DNAJC5B: variants seen among roughly 807,000 people sequenced by gnomAD.
DNAJC5B encodes the protein DnaJ heat shock protein family (Hsp40) member C5 beta.
In DNAJC5B, 23 loss-of-function variants were observed where a neutral mutation model predicts 24.7. The ratio of observed to expected loss-of-function variants is 0.93; its 90% CI spans 0.67 to 1.32. The LOEUF is 1.32. Ranked by LOEUF, DNAJC5B falls within the 40% of genes most tolerant of loss-of-function variation. The pLI is 0.00. For missense variants in DNAJC5B, 238 were observed against 240.8 expected, an observed-to-expected ratio of 0.99 and a Z score of 0.08; for synonymous variants, 101 against 90.1, an observed-to-expected ratio of 1.12 and a Z score of -0.68.
At chr8:66,084,573 GC>G (rs1449523597) in intron 5 of DNAJC5B, among the ~76,000 whole-genome samples, 1 of 152,142 alleles carries the variant, frequency 6.6e-6, no homozygotes, top group African/African-American at 2.4e-5. Context: ...TCAGTTGAAA[GC>G]CGCCTGTGGT....
chr8:66,081,156 T>C (rs1807588405), intron 5 of DNAJC5B, among the ~76,000 whole-genome samples: 1 of 152,152 alleles, frequency 6.6e-6, no homozygotes, highest in African/African-American at 2.4e-5. Context: ...ATGACTGTGA[T>C]GTAGTACTTG....
At chr8:66,036,159 G>A (rs1245419374) in intron 1 of DNAJC5B, among the ~76,000 whole-genome samples, 1 of 152,226 alleles carries the variant, frequency 6.6e-6, no homozygotes, top group Non-Finnish European at 1.5e-5. Flanking sequence ...TCTTTGACGT[G>A]CTCTGAGAGG....
chr8:66,048,336 T>C (rs1346561462), intron 2 of DNAJC5B, among the ~76,000 whole-genome samples: 1 of 152,200 alleles, frequency 6.6e-6, no homozygotes, highest in Non-Finnish European at 1.5e-5. Context: ...CAGGCAGCAG[T>C]GTCAGCTTTC....
chr8:66,071,483 A>T (rs1428790162), intron 3 of DNAJC5B, among the ~76,000 whole-genome samples: 1 of 152,252 alleles, frequency 6.6e-6, no homozygotes, highest in Non-Finnish European at 1.5e-5. Context: ...GAGAAATGCA[A>T]ATCAAAACCA....
At chr8:66,083,504 AG>A (rs1418496646) in intron 5 of DNAJC5B, among the ~76,000 whole-genome samples, 1 of 152,156 alleles carries the variant, frequency 6.6e-6, no homozygotes, top group Non-Finnish European at 1.5e-5. Context: ...TTCATATAGA[AG>A]ATATAAGATT....
intron 2 of DNAJC5B, among the ~76,000 whole-genome samples, chr8:66,048,368 T>C (rs559437168): frequency 6.6e-6 from 1 of 152,368 alleles, no homozygotes; most frequent in African/African-American, 2.4e-5. Context: ...CTGTCGCTAC[T>C]TTCTTCGTAG....
upstream of DNAJC5B, among the ~76,000 whole-genome samples, chr8:66,016,905 C>T (rs1805968783): frequency 6.6e-6 from 1 of 152,084 alleles, no homozygotes; most frequent in Non-Finnish European, 1.5e-5. Context: ...CACAGTGTGT[C>T]TCATGTTTGG....
At position 66,085,370 on chromosome 8, in the gene DNAJC5B, G is replaced by A. The variant is rs201073578; in HGVS notation, c.505+4822G>A. Reference sequence around the variant, plus strand: ...CACGAGAATTGCTTGAACCCGGGAGGCAGAGGTTGCAGTGAGCAGAGGTCG... The same window carrying A: ...CACGAGAATTGCTTGAACCCGGGAGACAGAGGTTGCAGTGAGCAGAGGTCG... On this transcript the variant is annotated intron_variant, in intron 5 of 5. Transcript: ENST00000276570. Among the ~76,000 whole-genome samples the A allele has an allele frequency of 3.5e-4, 54 of 152,260 alleles. 1 individual carries two copies. In the East Asian group the frequency reaches 7.1e-3, roughly 20 times the overall value.
Position 66,100,267 on chromosome 8 carries a change from T to C in DNAJC5B, c.*236T>C, listed in dbSNP as rs1808047182. On this transcript the variant is annotated 3_prime_UTR_variant, in exon 6 of 6. Coordinates refer to ENST00000276570, the MANE Select transcript of DNAJC5B (RefSeq NM_033105.6). ...GTGAATAAAGGCCTGAAGAGTTATT[T>C]TACCCTCCTTGCCTGATGTAGGACA... is the stretch of plus-strand genomic sequence containing the variant. 1 of 426,618 alleles carries C rather than the reference T, an allele frequency of 2.3e-6. No individual in the cohort carries two copies. Among genetic ancestry groups the C allele is most frequent in the African/African-American group, 2.0e-5 (1 of 50,604 alleles). The allele number at this position is 426,618 out of a possible 1,614,324, so 26.4% of individuals were successfully genotyped here. A position where few individuals can be genotyped will look rare whatever the true frequency, so the allele number is the denominator to read the frequency against.
Position 66,100,045 on chromosome 8 carries a change from G to A in DNAJC5B, c.*14G>A, listed in dbSNP as rs375561859. 50 of 1,610,938 alleles carry A rather than the reference G, an allele frequency of 3.1e-5. No individual in the cohort carries two copies. Among genetic ancestry groups the A allele is most frequent in the Non-Finnish European group, 4.1e-5 (48 of 1,177,930 alleles). ...ACAGACTCTTGATATTGAGCCCTCAGAGAGTCCACAGTCCCTCCTCTCAGT... is the reference window on the plus strand; with the variant it reads ...ACAGACTCTTGATATTGAGCCCTCAAAGAGTCCACAGTCCCTCCTCTCAGT... On this transcript the variant is annotated 3_prime_UTR_variant, in exon 6 of 6. Transcript: ENST00000276570.
chr8:66,087,205 G>T (rs1807745800), intron 5 of DNAJC5B, among the ~76,000 whole-genome samples: 1 of 152,084 alleles, frequency 6.6e-6, no homozygotes, highest in African/African-American at 2.4e-5. Flanking sequence ...TCTTCATAAG[G>T]TGACAGGTGA....
chr8:66,085,041 C>T (rs1807690513), intron 5 of DNAJC5B, among the ~76,000 whole-genome samples: 1 of 151,730 alleles, frequency 6.6e-6, no homozygotes. Context: ...AATATGGAAT[C>T]TAATTGTTCT....
At chr8:66,039,734 C>T (rs1045623917) in intron 1 of DNAJC5B, among the ~76,000 whole-genome samples, 1 of 152,212 alleles carries the variant, frequency 6.6e-6, no homozygotes, top group Non-Finnish European at 1.5e-5. Context: ...ATCACTGCCT[C>T]TTAGTCTCCT....
At chr8:66,066,335 T>C (rs1364849588) in intron 3 of DNAJC5B, among the ~76,000 whole-genome samples, 1 of 152,076 alleles carries the variant, frequency 6.6e-6, no homozygotes, top group Non-Finnish European at 1.5e-5. Context: ...TCCTTAAAGA[T>C]CTAAAAATAG....
intron 4 of DNAJC5B, among the ~76,000 whole-genome samples, chr8:66,077,472 T>TG (rs1807493287): frequency 6.6e-6 from 1 of 152,184 alleles, no homozygotes; most frequent in Admixed American, 6.5e-5. Flanking sequence ...CAATCAGAAT[T>TG]GACTTTCGTG....
chr8:66,098,863 C>A (rs1808011133), intron 5 of DNAJC5B, among the ~76,000 whole-genome samples: 2 of 151,866 alleles, frequency 1.3e-5, no homozygotes, highest in African/African-American at 2.4e-5. Context: ...AAACATAATT[C>A]TTTTGTATTC....
chr8:66,037,761 C>G (rs1806520530), intron 1 of DNAJC5B, among the ~76,000 whole-genome samples: 1 of 152,252 alleles, frequency 6.6e-6, no homozygotes, highest in Non-Finnish European at 1.5e-5. Context: ...ACCAGAAGCT[C>G]TACTAATGAG....
upstream of DNAJC5B, among the ~76,000 whole-genome samples, chr8:66,018,261 G>A (rs929843471): frequency 7.2e-5 from 11 of 152,140 alleles, no homozygotes; most frequent in African/African-American, 2.7e-4. Context: ...GCTCACTTCT[G>A]TAATCCCAGC....
rs538489645 is a variant in DNAJC5B at position 66,097,411 on chromosome 8, G to A, written c.506-2526G>A. 3.2e-4 allele frequency among the ~76,000 whole-genome samples: 48 copies of A among 151,818 alleles called. No homozygotes were observed. In the South Asian group the frequency reaches 9.6e-3, roughly 30 times the overall value. On this transcript the variant is annotated intron_variant, in intron 5 of 5. Coordinates refer to ENST00000276570, the MANE Select transcript of DNAJC5B (RefSeq NM_033105.6). ...AAGAATTTTGTAACACGTTAACCCTGATCAACCTATTTCTGACTTATACAT... is the reference window on the plus strand; with the variant it reads ...AAGAATTTTGTAACACGTTAACCCTAATCAACCTATTTCTGACTTATACAT...
Sources: allele counts gnomAD v4.1 joint callset (sites outside exome capture counted in the v4.1 genomes callset), GRCh38; gene constraint gnomAD v4.1.1; transcripts MANE v1.5; gene names NCBI Gene and HGNC (gene_info 2026-07-23, HGNC 2026-07-21).